Variants in ADCY2 observed in about 807,000 individuals in gnomAD.
ADCY2 encodes the protein adenylate cyclase type 2.
In ADCY2, 31 loss-of-function variants were observed where a neutral mutation model predicts 125.2. The ratio of observed to expected loss-of-function variants is 0.25; its 90% CI spans 0.19 to 0.33. The LOEUF is 0.33. Among genes scored for constraint, ADCY2 ranks in the 10% least tolerant of loss-of-function variants. The pLI, the probability that ADCY2 is intolerant of heterozygous loss-of-function variation, is 1.00. For synonymous variants in ADCY2, 512 were observed against 548.4 expected, an observed-to-expected ratio of 0.93 and a Z score of 0.93; for missense variants, 904 against 1,418.2, an observed-to-expected ratio of 0.64 and a Z score of 5.82.
At chr5:7,468,853 A>C (rs1344329928) in intron 2 of ADCY2, among the ~76,000 whole-genome samples, 1 of 152,160 alleles carries the variant, frequency 6.6e-6, no homozygotes, top group Non-Finnish European at 1.5e-5. Flanking sequence ...TTAAATAAAT[A>C]ACACCTTCAA....
At chr5:7,663,663 C>A (rs1739613927) in intron 4 of ADCY2, among the ~76,000 whole-genome samples, 1 of 152,208 alleles carries the variant, frequency 6.6e-6, no homozygotes, top group South Asian at 2.1e-4. Flanking sequence ...AACCTTGTTT[C>A]TTCTGGAAGA....
intron 2 of ADCY2, among the ~76,000 whole-genome samples, chr5:7,457,135 A>AT (rs946655689): frequency 3.9e-5 from 6 of 152,156 alleles, no homozygotes; most frequent in African/African-American, 1.4e-4. Context: ...GAATGTTGAA[A>AT]TTTTTTACAG....
At chr5:7,410,989 C>G (rs952796088) in intron 1 of ADCY2, among the ~76,000 whole-genome samples, 3 of 152,078 alleles carry the variant, frequency 2.0e-5, no homozygotes, top group Non-Finnish European at 4.4e-5. Context: ...TCTCTTTATT[C>G]CATTGACTTA....
At chr5:7,410,356 A>G (rs73044503) in intron 1 of ADCY2, among the ~76,000 whole-genome samples, 5,924 of 152,300 alleles carry the variant, frequency 0.039, 391 homozygotes, top group African/African-American at 0.13. Flanking sequence ...GAAAAAGTAC[A>G]TTGAAAAGAA....
intron 2 of ADCY2, among the ~76,000 whole-genome samples, chr5:7,489,223 C>T (rs2126485417): frequency 6.6e-6 from 1 of 152,256 alleles, no homozygotes; most frequent in East Asian, 1.9e-4. Flanking sequence ...GCAGAGTTCT[C>T]ACAAGAAACA....
At chr5:7,588,036 A>G (rs561194210) in intron 3 of ADCY2, among the ~76,000 whole-genome samples, 1 of 152,308 alleles carries the variant, frequency 6.6e-6, no homozygotes, top group Admixed American at 6.5e-5. Context: ...TACTATTACA[A>G]TCCCTGTTAT....
intron 21 of ADCY2, among the ~76,000 whole-genome samples, chr5:7,804,014 C>T (rs1373629782): frequency 8.1e-6 from 1 of 123,786 alleles, no homozygotes; most frequent in Non-Finnish European, 1.7e-5. Flanking sequence ...CTTCTCACTT[C>T]TCTTAGGCCT....
At chr5:7,446,086 T>C (rs1476339334) in intron 2 of ADCY2, among the ~76,000 whole-genome samples, 2 of 152,348 alleles carry the variant, frequency 1.3e-5, no homozygotes. Context: ...AGTGTTTCCA[T>C]ATTAAGTAAG....
At chr5:7,743,941 C>T (rs1468954483) in intron 15 of ADCY2, among the ~76,000 whole-genome samples, 189 bp downstream of exon 15, 2 of 152,172 alleles carry the variant, frequency 1.3e-5, no homozygotes, top group Non-Finnish European at 2.9e-5. Flanking sequence ...TCATGCACAA[C>T]CAAGACACGA....
At chr5:7,737,162 T>C (rs563731291) in intron 14 of ADCY2, among the ~76,000 whole-genome samples, 41 of 152,278 alleles carry the variant, frequency 2.7e-4, no homozygotes, top group African/African-American at 8.7e-4. Context: ...GAAAACAAAT[T>C]GTCTTAGGTA....
At chr5:7,585,706 C>T (rs1042441363) in intron 3 of ADCY2, among the ~76,000 whole-genome samples, 47 of 152,296 alleles carry the variant, frequency 3.1e-4, no homozygotes, top group Middle Eastern at 3.4e-3. Flanking sequence ...AATCCCTTCC[C>T]CAGAATTCAG....
intron 4 of ADCY2, among the ~76,000 whole-genome samples, chr5:7,655,980 G>C: frequency 6.6e-6 from 1 of 151,964 alleles, no homozygotes; most frequent in Non-Finnish European, 1.5e-5. Context: ...ATGTTAACAT[G>C]GAAAGCAGTT....
At chr5:7,590,131 A>AAAATG (rs1579606099) in intron 3 of ADCY2, among the ~76,000 whole-genome samples, 1 of 152,336 alleles carries the variant, frequency 6.6e-6, no homozygotes, top group Non-Finnish European at 1.5e-5. Flanking sequence ...GAAATGAGAT[A>AAAATG]AAATGAAATG....
intron 4 of ADCY2, among the ~76,000 whole-genome samples, chr5:7,627,957 G>T (rs28521081): frequency 6.6e-6 from 1 of 152,176 alleles, no homozygotes; most frequent in Non-Finnish European, 1.5e-5. Flanking sequence ...TTCAGGAACC[G>T]ATGTTTTTGT....
chr5:7,403,136 T>C (rs1465355786), intron 1 of ADCY2, among the ~76,000 whole-genome samples: 1 of 152,122 alleles, frequency 6.6e-6, no homozygotes, highest in Non-Finnish European at 1.5e-5. Context: ...TATGTGCGTG[T>C]GTGTGTTTTT....
chr5:7,434,829 C>T (rs567999903), intron 2 of ADCY2, among the ~76,000 whole-genome samples: 2 of 152,294 alleles, frequency 1.3e-5, no homozygotes, highest in East Asian at 1.9e-4. Context: ...TGGTCTCAGC[C>T]AAGACTCTTT....
intron 3 of ADCY2, among the ~76,000 whole-genome samples, chr5:7,608,195 A>G (rs1737448389): frequency 6.6e-6 from 1 of 152,212 alleles, no homozygotes; most frequent in Non-Finnish European, 1.5e-5. Flanking sequence ...CAGTTTATGA[A>G]ACTACCTCTT....
intron 2 of ADCY2, among the ~76,000 whole-genome samples, chr5:7,468,360 T>A (rs2126451870): frequency 6.6e-6 from 1 of 152,294 alleles, no homozygotes; most frequent in Admixed American, 6.5e-5. Context: ...TGGACTTGGC[T>A]AGGCCAGGAC....
chr5:7,712,839 C>CT lies in ADCY2; in HGVS notation c.1579-11dup, dbSNP rs34374346. Reference sequence around the variant, plus strand: ...GAAACATGTTTTGACAATTAATAACCTTTTTTCTCAATATAGGATGTACCC... The same window carrying CT: ...GAAACATGTTTTGACAATTAATAACCTTTTTTTCTCAATATAGGATGTACCC... On this transcript the variant is annotated splice_polypyrimidine_tract_variant and intron_variant, in intron 10 of 24. Coordinates refer to ENST00000338316, the MANE Select transcript of ADCY2 (RefSeq NM_020546.3). The CT allele has an allele frequency of 6.3e-7, 1 of 1,584,112 alleles. No individual in the cohort carries two copies. Among genetic ancestry groups the CT allele is most frequent in the South Asian group, 1.1e-5 (1 of 88,980 alleles).
Sources: allele counts gnomAD v4.1 joint callset (sites outside exome capture counted in the v4.1 genomes callset), GRCh38; gene constraint gnomAD v4.1.1; transcripts MANE v1.5; gene names NCBI Gene and HGNC (gene_info 2026-07-23, HGNC 2026-07-21).